PPP3CA: variants seen among roughly 807,000 people sequenced by gnomAD.
PPP3CA encodes CAM-PRP catalytic subunit.
A neutral mutation model predicts 66.5 loss-of-function variants in PPP3CA; 14 were observed. The ratio of observed to expected loss-of-function variants is 0.21; its 90% CI spans 0.14 to 0.33. The LOEUF is 0.33. Ranked by LOEUF, PPP3CA falls within the 10% of genes least tolerant of loss-of-function variation. The pLI, the probability that PPP3CA is intolerant of heterozygous loss-of-function variation, is 1.00. For missense variants in PPP3CA, 317 were observed against 639.5 expected, an observed-to-expected ratio of 0.50 and a Z score of 5.44; for synonymous variants, 232 against 226.2, an observed-to-expected ratio of 1.03 and a Z score of -0.23.
intron 1 of PPP3CA, among the ~76,000 whole-genome samples, chr4:101,309,544 G>C (rs1234632454): frequency 6.6e-6 from 1 of 152,126 alleles, no homozygotes; most frequent in Non-Finnish European, 1.5e-5. Flanking sequence ...CTTGTTCTAG[G>C]ACTCAGGGAA....
At chr4:101,099,748 A>T (rs1237413403) in intron 3 of PPP3CA, 26 bp from the exon 4 acceptor site, 1 of 1,249,646 alleles carries the variant, frequency 8.0e-7, no homozygotes, top group Non-Finnish European at 1.1e-6. Context: ...ATAATATAAA[A>T]ATAAATATTT....
At chr4:101,266,762 T>C (rs1252882143) in intron 1 of PPP3CA, among the ~76,000 whole-genome samples, 1 of 152,198 alleles carries the variant, frequency 6.6e-6, no homozygotes, top group African/African-American at 2.4e-5. Context: ...TTAGGGGCTA[T>C]GTGTAGCAAA....
At chr4:101,045,431 G>T (rs1360663139) in intron 10 of PPP3CA, among the ~76,000 whole-genome samples, 2 of 152,142 alleles carry the variant, frequency 1.3e-5, no homozygotes, top group African/African-American at 2.4e-5. Context: ...CTACAAACCG[G>T]GGCCATTTTC....
intron 8 of PPP3CA, among the ~76,000 whole-genome samples, chr4:101,069,347 C>A (rs1245643131): frequency 6.6e-6 from 1 of 152,120 alleles, no homozygotes; most frequent in Non-Finnish European, 1.5e-5. Flanking sequence ...CACTTTATGT[C>A]CATTCTAGCC....
intron 1 of PPP3CA, among the ~76,000 whole-genome samples, chr4:101,235,506 T>C (rs774962649): frequency 1.3e-5 from 2 of 151,550 alleles, no homozygotes; most frequent in African/African-American, 2.4e-5. Flanking sequence ...CGGACATGAA[T>C]GTAAAGCAAT....
In PPP3CA at chr4:101,063,363, A is replaced by C; in HGVS notation, c.956-6T>G. On this transcript the variant is annotated splice_region_variant and splice_polypyrimidine_tract_variant and intron_variant, in intron 8 of 13. Coordinates refer to ENST00000394854, the MANE Select transcript of PPP3CA (RefSeq NM_000944.5). ...CTCATACTTCAATACTGCAGCTAAA[A>C]ATAACCAAAAGAGGATGTTAGGAAC... The C allele has an allele frequency of 6.2e-7, 1 of 1,602,846 alleles. No individual in the cohort carries two copies. The highest frequency in any genetic ancestry group is 8.5e-7 in the Non-Finnish European group (1 of 1,174,308).
At chr4:101,129,520 C>T (rs770012432) in intron 2 of PPP3CA, among the ~76,000 whole-genome samples, 1 of 152,168 alleles carries the variant, frequency 6.6e-6, no homozygotes, top group African/African-American at 2.4e-5. Flanking sequence ...CTGGTGGGTG[C>T]CCCTCTGGGA....
intron 8 of PPP3CA, among the ~76,000 whole-genome samples, chr4:101,080,331 T>A (rs1228126403): frequency 2.0e-5 from 3 of 152,168 alleles, no homozygotes; most frequent in African/African-American, 7.2e-5. Flanking sequence ...ATTTAAAAAA[T>A]TAATAGTGCA....
At chr4:101,215,438 C>T (rs1488454418) in intron 1 of PPP3CA, among the ~76,000 whole-genome samples, 2 of 151,938 alleles carry the variant, frequency 1.3e-5, no homozygotes, top group Non-Finnish European at 2.9e-5. Flanking sequence ...TTCCCAATTC[C>T]TCATTTCTAA....
At chr4:101,220,299 G>GTTTT (rs33967695) in intron 1 of PPP3CA, among the ~76,000 whole-genome samples, 6 of 147,596 alleles carry the variant, frequency 4.1e-5, no homozygotes, top group African/African-American at 1.5e-4. Context: ...TTGACAGCAC[G>GTTTT]TTTTTTTTTT....
chr4:101,195,815 G>A, intron 2 of PPP3CA, 101 bp downstream of exon 2: 1 of 924,164 alleles, frequency 1.1e-6, no homozygotes, highest in Non-Finnish European at 1.7e-6. Context: ...ATTATGATGG[G>A]TAAGGTATTT....
intron 4 of PPP3CA, 87 bp from the exon 5 acceptor site, chr4:101,098,599 G>T: frequency 7.9e-7 from 1 of 1,265,044 alleles, no homozygotes; most frequent in Non-Finnish European, 1.1e-6. Context: ...AAGTTTTCTT[G>T]CTAGGACCCT....
intron 2 of PPP3CA, among the ~76,000 whole-genome samples, chr4:101,151,389 G>A (rs537825076): frequency 3.3e-4 from 50 of 151,826 alleles, no homozygotes; most frequent in African/African-American, 1.2e-3. Flanking sequence ...GTGAAACACC[G>A]TCTCTACTAA....
chr4:101,318,381 G>T (rs1371189739), intron 1 of PPP3CA, among the ~76,000 whole-genome samples: 1 of 152,110 alleles, frequency 6.6e-6, no homozygotes, highest in South Asian at 2.1e-4. Flanking sequence ...ACAAAGAAAC[G>T]TGTATTTTTC....
At chr4:101,082,753 C>T (rs1370980745) in intron 7 of PPP3CA, among the ~76,000 whole-genome samples, 2 of 152,074 alleles carry the variant, frequency 1.3e-5, no homozygotes, top group African/African-American at 4.8e-5. Context: ...GAATGGTATT[C>T]AGGATTAGGA....
intron 1 of PPP3CA, among the ~76,000 whole-genome samples, chr4:101,302,249 T>A (rs931215781): frequency 3.9e-5 from 6 of 152,234 alleles, no homozygotes; most frequent in Admixed American, 3.3e-4. Flanking sequence ...ATTAGCCAGC[T>A]GTGTAACCAG....
intron 2 of PPP3CA, among the ~76,000 whole-genome samples, chr4:101,140,651 GAAGTCATTTTTGGCAA>G (rs1467464349): frequency 6.6e-6 from 1 of 151,874 alleles, no homozygotes; most frequent in African/African-American, 2.4e-5. Context: ...TCCTTTTTTT[GAAGTCATTTTTGGCAA>G]AAGTCAAATG....
chr4:101,151,110 T>C (rs1201959288), intron 2 of PPP3CA, among the ~76,000 whole-genome samples: 2 of 152,234 alleles, frequency 1.3e-5, no homozygotes, highest in South Asian at 2.1e-4. Flanking sequence ...ACTTTTAACA[T>C]TGACAGCTTT....
chr4:101,283,038 G>C (rs2110280161), intron 1 of PPP3CA, among the ~76,000 whole-genome samples: 1 of 152,182 alleles, frequency 6.6e-6, no homozygotes, highest in Middle Eastern at 3.4e-3. Context: ...CTCAATCAAA[G>C]CTCTTTCTTC....
Sources: gnomAD v4.1 joint callset for allele counts (sites outside exome capture counted in the v4.1 genomes callset) on GRCh38, gnomAD v4.1.1 for gene constraint, MANE v1.5 for transcripts, NCBI Gene and HGNC (gene_info 2026-07-23, HGNC 2026-07-21) for gene names.